The following KCNMB4 variants were observed in gnomAD, a reference collection of about 807,000 sequenced individuals.
KCNMB4 encodes the protein calcium-activated potassium channel subunit beta-4.
Under a neutral mutation model 20.7 loss-of-function variants are expected in KCNMB4, and 3 were observed. That is an observed-to-expected ratio of 0.14 (90% confidence interval 0.07 to 0.37). KCNMB4 has a LOEUF of 0.37. KCNMB4 is among the 10% of genes least tolerant of loss of function. The pLI, the probability that KCNMB4 is intolerant of heterozygous loss-of-function variation, is 1.00. For missense variants in KCNMB4, 168 were observed against 265.9 expected (o/e 0.63, Z 2.56); for synonymous variants, 110 against 113.4 (o/e 0.97, Z 0.19).
intron 2 of KCNMB4, among the ~76,000 whole-genome samples, chr12:70,410,117 C>T (rs1030660400): frequency 6.6e-6 from 1 of 152,182 alleles, no homozygotes. Context: ...GCACAGTAGT[C>T]CTAGAATGAA....
At chr12:70,424,442 G>GGA (rs1555213665) in intron 2 of KCNMB4, among the ~76,000 whole-genome samples, 3 of 135,754 alleles carry the variant, frequency 2.2e-5, no homozygotes, top group Non-Finnish European at 3.1e-5. Flanking sequence ...CTCCATCTCA[G>GGA]AAAAAAAAAA....
At chr12:70,387,237 A>G (rs923877237) in intron 1 of KCNMB4, among the ~76,000 whole-genome samples, 66 of 151,926 alleles carry the variant, frequency 4.3e-4, no homozygotes, top group African/African-American at 1.5e-3. Context: ...TTTTTTGCAG[A>G]TACTTGTCTG....
chr12:70,375,855 A>G (rs1883675974), intron 1 of KCNMB4, among the ~76,000 whole-genome samples: 1 of 151,938 alleles, frequency 6.6e-6, no homozygotes, highest in African/African-American at 2.4e-5. Flanking sequence ...TTTATTGAGG[A>G]TTTTTGCATT....
At chr12:70,418,898 C>T (rs1198057226) in intron 2 of KCNMB4, among the ~76,000 whole-genome samples, 1 of 152,120 alleles carries the variant, frequency 6.6e-6, no homozygotes, top group African/African-American at 2.4e-5. Flanking sequence ...TGTGACTAAT[C>T]CTTCCAGTGT....
Position 70,400,340 on chromosome 12 carries a change from A to G in KCNMB4, c.464+4A>G. On this transcript the variant is annotated splice_donor_region_variant and intron_variant, in intron 2 of 2. Coordinates refer to ENST00000258111, the MANE Select transcript of KCNMB4 (RefSeq NM_014505.6). Reference sequence around the variant, plus strand: ...GCTATTTTAATCAACATCAAAGGTAAGTCAATATTTGCATGTGCGTGTTAA... The same window carrying G: ...GCTATTTTAATCAACATCAAAGGTAGGTCAATATTTGCATGTGCGTGTTAA... 1 of 1,604,474 alleles carries G rather than the reference A, an allele frequency of 6.2e-7. No homozygotes were observed. Among genetic ancestry groups the G allele is most frequent in the Non-Finnish European group, 8.5e-7 (1 of 1,177,206 alleles).
In KCNMB4 at chr12:70,433,099, A is replaced by T. The variant is rs1444808365; in HGVS notation, c.*2446A>T. The T allele has an allele frequency of 6.6e-6, 1 of 152,168 alleles. No individual in the cohort carries two copies. The highest frequency in any genetic ancestry group is 2.4e-5 in the African/African-American group (1 of 41,444). 9.4% of individuals were successfully genotyped at this position (152,168 alleles called of 1,614,324 possible). On this transcript the variant is annotated 3_prime_UTR_variant, in exon 3 of 3. Coordinates refer to ENST00000258111, the MANE Select transcript of KCNMB4 (RefSeq NM_014505.6). ...CTTAAGGTCTTACTTGCTTACAGCCAATTAAATTTGAAGCACCTTATTTAT... is the reference window on the plus strand; with the variant it reads ...CTTAAGGTCTTACTTGCTTACAGCCTATTAAATTTGAAGCACCTTATTTAT...
chr12:70,409,967 T>G (rs1868726494), intron 2 of KCNMB4, among the ~76,000 whole-genome samples: 1 of 152,128 alleles, frequency 6.6e-6, no homozygotes, highest in Non-Finnish European at 1.5e-5. Context: ...ATGGTCTGCT[T>G]TACATATTTT....
Position 70,384,247 on chromosome 12 carries a change from C to T in KCNMB4, c.337-15962C>T, listed in dbSNP as rs79584487. The stretch of plus-strand genomic sequence containing the variant: ...ATGACAAAATGGAAAAAATGCACAC[C>T]ATAAATACGATTTTTGACCACCTGT... On this transcript the variant is annotated intron_variant, in intron 1 of 2. Transcript: ENST00000258111. 1.0e-3 allele frequency among the ~76,000 whole-genome samples: 159 copies of T among 152,124 alleles called. 1 individual carries two copies. The highest frequency in any genetic ancestry group is 1.9e-3 in the South Asian group (9 of 4,820).
At chr12:70,370,225 C>G (rs770002040) in intron 1 of KCNMB4, among the ~76,000 whole-genome samples, 1 of 151,086 alleles carries the variant, frequency 6.6e-6, no homozygotes, top group Non-Finnish European at 1.5e-5. Flanking sequence ...ACCTGAGAAC[C>G]AAAAAGGAGT....
intron 1 of KCNMB4, among the ~76,000 whole-genome samples, chr12:70,368,700 A>G (rs900499836): frequency 1.3e-5 from 2 of 152,156 alleles, no homozygotes; most frequent in African/African-American, 4.8e-5. Flanking sequence ...AGTTGGTGAA[A>G]CGTTGCTAAT....
rs762125328 is a variant in KCNMB4 at position 70,366,766 on chromosome 12, C to T, written c.32C>T (p.Thr11Met). 3 of 1,608,742 alleles carry T rather than the reference C, an allele frequency of 1.9e-6. No individual in the cohort carries two copies. The highest frequency in any genetic ancestry group is 2.5e-6 in the Non-Finnish European group (3 of 1,179,164). Residue 11 changes from threonine to methionine, a missense_variant, in exon 1 of 3, where the codon ACG becomes ATG. Transcript: ENST00000258111. ...AAGCTCCGGGTGGCTTACGAGTACA[C>T]GGAAGCCGAGGACAAGAGCATCCGG... Reference protein sequence around the residue: MAKLRVAYEYTEAEDKSIRLG... With the variant: MAKLRVAYEYMEAEDKSIRLG...
chr12:70,382,629 CA>C (rs968291389), intron 1 of KCNMB4, among the ~76,000 whole-genome samples: 23 of 151,946 alleles, frequency 1.5e-4, no homozygotes, highest in African/African-American at 4.8e-4. Context: ...AAAACTTACA[CA>C]TTTTTTTGAA....
chr12:70,396,969 G>A (rs1177215119), intron 1 of KCNMB4, among the ~76,000 whole-genome samples: 1 of 152,150 alleles, frequency 6.6e-6, no homozygotes, highest in Non-Finnish European at 1.5e-5. Flanking sequence ...AGGAATCTAG[G>A]GAGGATCTGA....
rs150981792 is a variant in KCNMB4, at chr12:70,383,406, A to G, written c.336+16336A>G. Among the ~76,000 whole-genome samples the G allele has an allele frequency of 3.3e-3, 505 of 152,332 alleles. 10 individuals are homozygous for G. The highest frequency in any genetic ancestry group is 0.011 in the African/African-American group (464 of 41,580). ...TATGGGGATGTGGGCAGTCTTGTGCACTGCTGGTGGCAACATGTTGCAGGA... is the reference window on the plus strand; with the variant it reads ...TATGGGGATGTGGGCAGTCTTGTGCGCTGCTGGTGGCAACATGTTGCAGGA... On this transcript the variant is annotated intron_variant, in intron 1 of 2. Coordinates refer to ENST00000258111, the MANE Select transcript of KCNMB4 (RefSeq NM_014505.6).
intron 1 of KCNMB4, among the ~76,000 whole-genome samples, chr12:70,376,734 T>G (rs1883693775): frequency 6.7e-6 from 1 of 149,762 alleles, no homozygotes. Context: ...ACGCCAGATG[T>G]CATGGCACGT....
chr12:70,405,143 G>T (rs1346142421), intron 2 of KCNMB4, among the ~76,000 whole-genome samples: 2 of 152,144 alleles, frequency 1.3e-5, no homozygotes, highest in Non-Finnish European at 2.9e-5. Flanking sequence ...CAAGAAGTTT[G>T]CCATGGACTA....
Position 70,366,917 on chromosome 12 carries a change from G to A in KCNMB4, c.183G>A (p.Gln61=), listed in dbSNP as rs534480835. The A allele has an allele frequency of 1.2e-6, 2 of 1,613,182 alleles. No homozygotes were observed. The highest frequency in any genetic ancestry group is 2.2e-5 in the East Asian group (1 of 44,828). Residue 61 remains glutamine (Q), a synonymous_variant, in exon 1 of 3, where the codon CAG becomes CAA. Transcript: ENST00000258111. ...ATTGCACGGTGCTGTCGGTGCAGCA[G>A]ATCGGCGAGGTGTTCGAGTGCACCT... ...EANCTVLSVQ[Q]IGEVFECTFT...
intron 1 of KCNMB4, among the ~76,000 whole-genome samples, chr12:70,391,979 A>T (rs1868303409): frequency 6.6e-6 from 1 of 152,242 alleles, no homozygotes; most frequent in Admixed American, 6.5e-5. Flanking sequence ...TGCTACAAAT[A>T]GGAAGCACCA....
rs148421231 is a variant in KCNMB4, at chr12:70,378,095, A to G, written c.336+11025A>G. ...CTCCTGAGTAGCTGAGATTACAGGC[A>G]TGCACCACCACACCCAGCTAATTTT... On this transcript the variant is annotated intron_variant, in intron 1 of 2. Transcript: ENST00000258111. Among the ~76,000 whole-genome samples the G allele has an allele frequency of 5.9e-5, 9 of 152,004 alleles. No individual in the cohort carries two copies. The East Asian group carries it at 1.7e-3, about 29-fold the overall frequency.
Sources: gnomAD v4.1 joint callset for allele counts (sites outside exome capture counted in the v4.1 genomes callset) on GRCh38, gnomAD v4.1.1 for gene constraint, MANE v1.5 for transcripts, NCBI Gene and HGNC (gene_info 2026-07-23, HGNC 2026-07-21) for gene names.